The following PCNX1 variants were observed in gnomAD, a reference collection of about 807,000 sequenced individuals.
The protein encoded by PCNX1 is pecanex 1, also known as pecanex-like protein 1.
In PCNX1, 78 loss-of-function variants were observed where a neutral mutation model predicts 242.2. The ratio of observed to expected loss-of-function variants is 0.32; its 90% confidence interval spans 0.27 to 0.39. The LOEUF (loss-of-function observed/expected upper bound fraction) is 0.39. PCNX1 is among the 10% of genes least tolerant of loss of function. The pLI, the probability that PCNX1 is intolerant of heterozygous loss-of-function variation, is 1.00. For missense variants in PCNX1, 2,581 were observed against 2,856.5 expected, an observed-to-expected ratio of 0.90 and a Z score of 2.20; for synonymous variants, 1,024 against 1,032.9, an observed-to-expected ratio of 0.99 and a Z score of 0.17.
chr14:71,104,841 C>CCAA, intron 32 of PCNX1, among the ~76,000 whole-genome samples: 1 of 152,066 alleles, frequency 6.6e-6, no homozygotes, highest in African/African-American at 2.4e-5. Context: ...GCAGGAAAAT[C>CCAA]GTTTGAACTT....
intron 8 of PCNX1, among the ~76,000 whole-genome samples, chr14:70,996,252 T>A (rs1248649731): frequency 6.6e-6 from 1 of 152,142 alleles, no homozygotes; most frequent in Non-Finnish European, 1.5e-5. Flanking sequence ...AAAAAAAAGT[T>A]TCTTACTAAA....
At chr14:71,019,941 C>T (rs990363685) in intron 12 of PCNX1, among the ~76,000 whole-genome samples, 14 of 152,100 alleles carry the variant, frequency 9.2e-5, no homozygotes, top group Admixed American at 2.0e-4. Context: ...CCCTACCCTC[C>T]GCCCCCTGAC....
At chr14:70,966,879 G>T (rs1304164100) in intron 3 of PCNX1, among the ~76,000 whole-genome samples, 1 of 152,158 alleles carries the variant, frequency 6.6e-6, no homozygotes, top group Non-Finnish European at 1.5e-5. Context: ...AGCAGGTGTT[G>T]TAAGAATGAA....
chr14:70,986,190 A>G (rs1272104124), intron 6 of PCNX1, among the ~76,000 whole-genome samples: 1 of 152,232 alleles, frequency 6.6e-6, no homozygotes, highest in Non-Finnish European at 1.5e-5. Flanking sequence ...ATTGTAATAT[A>G]GCATTTTCAC....
At chr14:71,012,681 G>T (rs1468258070) in intron 10 of PCNX1, 1 of 324,940 alleles carries the variant, frequency 3.1e-6, no homozygotes, top group Non-Finnish European at 5.8e-6. Context: ...AATAGAAAAA[G>T]AATTAGCCGG....
At chr14:71,079,610 T>G (rs1250728465) in intron 28 of PCNX1, among the ~76,000 whole-genome samples, 2 of 152,226 alleles carry the variant, frequency 1.3e-5, no homozygotes, top group Admixed American at 1.3e-4. Flanking sequence ...TGGTTTTGAT[T>G]TGCATTTCTC....
intron 7 of PCNX1, among the ~76,000 whole-genome samples, chr14:70,993,222 G>A (rs80149555): frequency 2.0e-4 from 30 of 150,986 alleles, no homozygotes; most frequent in Non-Finnish European, 2.8e-4. Flanking sequence ...CCGGGTTCAC[G>A]CCATTCTCCT....
chr14:71,021,677 T>C (rs1422651129), intron 12 of PCNX1, among the ~76,000 whole-genome samples: 1 of 152,192 alleles, frequency 6.6e-6, no homozygotes, highest in Non-Finnish European at 1.5e-5. Flanking sequence ...AATTGCTAAA[T>C]TGCTTTTCTT....
At position 71,112,372 on chromosome 14, in the gene PCNX1, A is replaced by T. The variant is rs1296579661; in HGVS notation, c.*2437A>T. 6.6e-6 allele frequency: 1 copy of T among 152,076 alleles called. No individual in the cohort carries two copies. Among genetic ancestry groups the T allele is most frequent in the Non-Finnish European group, 1.5e-5 (1 of 67,940 alleles). 9.4% of individuals were successfully genotyped at this position (152,076 alleles called of 1,614,324 possible). On this transcript the variant is annotated 3_prime_UTR_variant, in exon 36 of 36. Coordinates refer to ENST00000304743, the MANE Select transcript of PCNX1 (RefSeq NM_014982.3). ...CATATATTTTTCTCAAAACAAGTTG[A>T]ATTTTGTTAACATATATAATTCTTT...
intron 24 of PCNX1, among the ~76,000 whole-genome samples, chr14:71,052,899 G>A (rs571406352): frequency 6.6e-6 from 1 of 152,264 alleles, no homozygotes. Flanking sequence ...AACGCTTTTA[G>A]GAGTTATGAG....
At chr14:71,066,199 T>C (rs1287098303) in intron 26 of PCNX1, among the ~76,000 whole-genome samples, 1 of 152,230 alleles carries the variant, frequency 6.6e-6, no homozygotes, top group African/African-American at 2.4e-5. Context: ...TAAATTACTT[T>C]GGGCAGTATG....
At chr14:70,908,414 C>G (rs534646211) in intron 1 of PCNX1, among the ~76,000 whole-genome samples, 248 of 152,222 alleles carry the variant, frequency 1.6e-3, no homozygotes, top group African/African-American at 5.7e-3. Context: ...CTCGGGCGCC[C>G]GGCATCCGGC....
chr14:71,002,259 T>C, intron 8 of PCNX1, among the ~76,000 whole-genome samples: 1 of 152,184 alleles, frequency 6.6e-6, no homozygotes, highest in Non-Finnish European at 1.5e-5. Flanking sequence ...ACCAATGTAA[T>C]TCCCCCAAAT....
chr14:70,981,372 A>C lies in PCNX1; in HGVS notation c.2311+2724A>C, dbSNP rs77255335. Among the ~76,000 whole-genome samples, 1,369 of 152,362 alleles carry C rather than the reference A, an allele frequency of 9.0e-3. 10 individuals are homozygous for C. Among genetic ancestry groups the C allele is most frequent in the Non-Finnish European group, 0.012 (843 of 68,030 alleles). Reference sequence around the variant, plus strand: ...GTCTAAGTGTGCCATTGTGAAACTCAATAGTAAAAATAAAAAATTCTGATT... The same window carrying C: ...GTCTAAGTGTGCCATTGTGAAACTCCATAGTAAAAATAAAAAATTCTGATT... On this transcript the variant is annotated intron_variant, in intron 6 of 35. Transcript: ENST00000304743.
intron 33 of PCNX1, 24 bp from the exon 34 acceptor site, chr14:71,108,580 G>A: frequency 1.9e-6 from 3 of 1,565,218 alleles, no homozygotes; most frequent in Non-Finnish European, 2.6e-6. Flanking sequence ...TACTTTGAGT[G>A]AGTGCTGCTG....
At chr14:71,058,353 A>G (rs2061237680) in intron 26 of PCNX1, among the ~76,000 whole-genome samples, 1 of 152,166 alleles carries the variant, frequency 6.6e-6, no homozygotes, top group African/African-American at 2.4e-5. Flanking sequence ...TTATATACTG[A>G]TAAAGTTATT....
At chr14:71,053,560 C>T (rs561315612) in intron 24 of PCNX1, 3 of 275,236 alleles carry the variant, frequency 1.1e-5, no homozygotes, top group Admixed American at 9.9e-5. Flanking sequence ...TCAGGTGATC[C>T]ACCCGCTTCG....
chr14:71,096,362 T>TG (rs1336807836), intron 30 of PCNX1, among the ~76,000 whole-genome samples: 5 of 151,992 alleles, frequency 3.3e-5, no homozygotes, highest in Non-Finnish European at 7.4e-5. Flanking sequence ...GTGCCTGTAC[T>TG]TAGGAGGCTA....
chr14:71,031,332 A>C (rs1380443397), intron 16 of PCNX1, among the ~76,000 whole-genome samples: 3 of 152,208 alleles, frequency 2.0e-5, no homozygotes, highest in African/African-American at 7.2e-5. Flanking sequence ...ACCCCAGGCC[A>C]AGTGCTGGGA....
Sources: allele counts gnomAD v4.1 joint callset (sites outside exome capture counted in the v4.1 genomes callset), GRCh38; gene constraint gnomAD v4.1.1; transcripts MANE v1.5; gene names NCBI Gene and HGNC (gene_info 2026-07-23, HGNC 2026-07-21).